ITPKB: variants seen among roughly 807,000 people sequenced by gnomAD.
ITPKB encodes inositol-trisphosphate 3-kinase B.
A neutral mutation model predicts 69.4 loss-of-function variants in ITPKB; 13 were observed. That is an observed-to-expected ratio of 0.19 (90% CI 0.12 to 0.30). The LOEUF is 0.30. Ranked by LOEUF, ITPKB falls within the 10% of genes least tolerant of loss-of-function variation. ITPKB has a pLI of 1.00. For missense variants in ITPKB, 1,240 were observed against 1,250.5 expected (o/e 0.99, Z 0.13); for synonymous variants, 584 against 513.7 (o/e 1.14, Z -1.85).
chr1:226,682,985 G>T (rs190735918), intron 2 of ITPKB, among the ~76,000 whole-genome samples: 1 of 152,168 alleles, frequency 6.6e-6, no homozygotes, highest in African/African-American at 2.4e-5. Flanking sequence ...TGTGTCATCC[G>T]AAGCAGCTCT....
intron 2 of ITPKB, among the ~76,000 whole-genome samples, chr1:226,654,530 C>G (rs1272739934): frequency 6.6e-6 from 1 of 152,216 alleles, no homozygotes; most frequent in African/African-American, 2.4e-5. Context: ...AGAATGATCT[C>G]CTCCTGCTCA....
chr1:226,639,433 G>C, intron 6 of ITPKB, 124 bp downstream of exon 6: 1 of 700,814 alleles, frequency 1.4e-6, no homozygotes, highest in Admixed American at 2.1e-5. Flanking sequence ...AGAGCCCTAC[G>C]AACTCGGGCT....
intron 2 of ITPKB, among the ~76,000 whole-genome samples, chr1:226,676,880 T>C (rs1447529525): frequency 6.6e-6 from 1 of 152,242 alleles, no homozygotes; most frequent in Non-Finnish European, 1.5e-5. Flanking sequence ...TGTTCTTTAT[T>C]CTTATTTCAC....
intron 2 of ITPKB, among the ~76,000 whole-genome samples, chr1:226,720,415 A>G (rs1272905471): frequency 6.6e-6 from 1 of 152,232 alleles, no homozygotes; most frequent in African/African-American, 2.4e-5. Flanking sequence ...TCCAGGCGAC[A>G]GCTGATGGGT....
At chr1:226,638,918 G>C (rs1668894753) in intron 6 of ITPKB, among the ~76,000 whole-genome samples, 1 of 151,970 alleles carries the variant, frequency 6.6e-6, no homozygotes, top group Non-Finnish European at 1.5e-5. Context: ...GAGAGTCAGT[G>C]AGTGTCCGCC....
chr1:226,637,898 G>A lies in ITPKB; in HGVS notation c.2554-148C>T. ...GAGGCAGCTTCCTGCGAGCAGGGCT[G>A]CTGTGGCGTCTTTCTCAGCATAAAT... On this transcript the variant is annotated intron_variant, in intron 6 of 7. Coordinates refer to ENST00000429204, the MANE Select transcript of ITPKB (RefSeq NM_002221.4). This position sits in a 1 kb window ranked among gnomAD's most constrained non-coding sequence, Gnocchi z 4.3. 1 of 648,384 alleles carries A rather than the reference G, an allele frequency of 1.5e-6. No individual in the cohort carries two copies. The allele number at this position is 648,384 out of a possible 1,614,324, so 40.2% of individuals were successfully genotyped here. A position where few individuals can be genotyped will look rare whatever the true frequency, so the allele number is the denominator to read the frequency against.
intron 2 of ITPKB, among the ~76,000 whole-genome samples, chr1:226,654,388 G>A (rs1365173053): frequency 6.6e-6 from 1 of 152,198 alleles, no homozygotes; most frequent in African/African-American, 2.4e-5. Flanking sequence ...TCACCTGGGA[G>A]TAGGAAGCCC....
intron 2 of ITPKB, among the ~76,000 whole-genome samples, chr1:226,691,744 C>T (rs1050155197): frequency 4.6e-5 from 7 of 152,224 alleles, no homozygotes; most frequent in African/African-American, 1.7e-4. Context: ...GTCTATCATG[C>T]CACCTTAGCA....
intron 2 of ITPKB, among the ~76,000 whole-genome samples, chr1:226,659,276 G>A (rs1056445812): frequency 6.6e-6 from 1 of 152,154 alleles, no homozygotes; most frequent in Non-Finnish European, 1.5e-5. Flanking sequence ...CCCTGCCAAA[G>A]GAGGTTGCCC....
chr1:226,674,938 T>A lies in ITPKB; in HGVS notation c.1933-26167A>T, dbSNP rs556017893. On this transcript the variant is annotated intron_variant, in intron 2 of 7. Coordinates refer to ENST00000429204, the MANE Select transcript of ITPKB (RefSeq NM_002221.4). ...CTACCAAGGGTTAAAGATGCTGTAGTCCTACTGTGCTGCCTCCGACCCAGT... is the reference window on the plus strand; with the variant it reads ...CTACCAAGGGTTAAAGATGCTGTAGACCTACTGTGCTGCCTCCGACCCAGT... The A allele has an allele frequency of 3.3e-5, 5 of 152,458 alleles. No individual in the cohort carries two copies. The East Asian group carries it at 9.7e-4, about 29-fold the overall frequency. 9.4% of individuals were successfully genotyped at this position (152,458 alleles called of 1,614,324 possible). A position where few individuals can be genotyped will look rare whatever the true frequency, so the allele number is the denominator to read the frequency against.
Position 226,642,156 on chromosome 1 carries a change from G to GAGCCCTGCCCC in ITPKB, c.2247-32_2247-31insGGGGCAGGGCT. 6.3e-7 allele frequency: 1 copy of GAGCCCTGCCCC among 1,582,408 alleles called. No individual in the cohort carries two copies. Among genetic ancestry groups the GAGCCCTGCCCC allele is most frequent in the Non-Finnish European group, 8.6e-7 (1 of 1,157,664 alleles). On this transcript the variant is annotated intron_variant, in intron 4 of 7. Coordinates refer to ENST00000429204, the MANE Select transcript of ITPKB (RefSeq NM_002221.4). The surrounding 1 kb of genome is among the most constrained non-coding windows in gnomAD (Gnocchi z 6.4). ...TGGGAGGGAAGGCGACATGAGGGCC[G>GAGCCCTGCCCC]AGGCCTGGGGCAGGGCTCACCAGCA...
intron 2 of ITPKB, chr1:226,707,272 C>T (rs770721032): frequency 4.2e-4 from 91 of 216,682 alleles, no homozygotes; most frequent in South Asian, 8.4e-4. Context: ...CTCGGCTCAC[C>T]GCAACCTCCG....
At chr1:226,735,358 C>T (rs944644058) in intron 2 of ITPKB, among the ~76,000 whole-genome samples, 169 bp downstream of exon 2, 8 of 152,246 alleles carry the variant, frequency 5.3e-5, no homozygotes, top group African/African-American at 1.7e-4. Flanking sequence ...AGTGCCTCTG[C>T]TTCCACCTCA....
At chr1:226,698,905 G>A (rs1363859732) in intron 2 of ITPKB, among the ~76,000 whole-genome samples, 1 of 152,208 alleles carries the variant, frequency 6.6e-6, no homozygotes, top group East Asian at 1.9e-4. Context: ...AAATTAAGAG[G>A]GCTGAGCTGG....
chr1:226,674,472 C>A (rs991420806), intron 2 of ITPKB, among the ~76,000 whole-genome samples: 1 of 152,130 alleles, frequency 6.6e-6, no homozygotes, highest in East Asian at 1.9e-4. Flanking sequence ...GCTGGAATTA[C>A]AGGCGTGAGC....
At chr1:226,718,030 C>G (rs903735952) in intron 2 of ITPKB, among the ~76,000 whole-genome samples, 1 of 152,222 alleles carries the variant, frequency 6.6e-6, no homozygotes, top group Admixed American at 6.5e-5. Context: ...CGTGGTAGCT[C>G]ACGCCTGTAA....
In ITPKB at chr1:226,736,048, G is replaced by A. The variant is rs200314048; in HGVS notation, c.1411C>T (p.Pro471Ser). ...PGTGNVEAGI[P>S]SGRMLEPLPC... ...AAAGGCTCCAGCATTCTGCCAGAAG[G>A]AATTCCCGCCTCCACATTCCCGGTC... Residue 471 changes from proline to serine, a missense_variant, in exon 2 of 8, where the codon CCT becomes TCT. This residue lies in a region of ITPKB where 992 missense variants were observed against 853.8 expected (regional missense o/e 1.16). Coordinates refer to ENST00000429204, the MANE Select transcript of ITPKB (RefSeq NM_002221.4). The A allele has an allele frequency of 1.2e-6, 2 of 1,613,452 alleles. No homozygotes were observed. The highest frequency in any genetic ancestry group is 1.3e-5 in the African/African-American group (1 of 75,064).
chr1:226,698,102 G>GT (rs1235221117), intron 2 of ITPKB, among the ~76,000 whole-genome samples: 1 of 152,236 alleles, frequency 6.6e-6, no homozygotes, highest in Admixed American at 6.5e-5. Context: ...TGTCACCAGT[G>GT]TAACTGTCAA....
Position 226,712,332 on chromosome 1 carries a change from T to A in ITPKB, c.1932+23195A>T, listed in dbSNP as rs1027005324. Among the ~76,000 whole-genome samples, 9 of 152,252 alleles carry A rather than the reference T, an allele frequency of 5.9e-5. No individual in the cohort carries two copies. In the South Asian group the frequency reaches 1.9e-3, roughly 32 times the overall value. On this transcript the variant is annotated intron_variant, in intron 2 of 7. Coordinates refer to ENST00000429204, the MANE Select transcript of ITPKB (RefSeq NM_002221.4). ...CCATAGCCATCTGGCTCCCCAGCCT[T>A]CGTGGTCACTGCAGGCACAGTCCTG... is the stretch of plus-strand genomic sequence containing the variant.
Sources: allele counts gnomAD v4.1 joint callset (sites outside exome capture counted in the v4.1 genomes callset), GRCh38; gene constraint gnomAD v4.1.1; regional missense constraint gnomAD v4.1.1; non-coding constraint Gnocchi (gnomAD v3.1); transcripts MANE v1.5; gene names NCBI Gene and HGNC (gene_info 2026-07-23, HGNC 2026-07-21).